ADK: variants seen among roughly 807,000 people sequenced by gnomAD.
The protein encoded by ADK is adenosine kinase.
A neutral mutation model predicts 44.7 loss-of-function variants in ADK; 24 were observed. That is an observed-to-expected ratio of 0.54 (90% CI 0.39 to 0.76). ADK has a LOEUF of 0.76. ADK is among the 30% of genes least tolerant of loss of function. The pLI, the probability that ADK is intolerant of heterozygous loss-of-function variation, is 0.00. For missense variants in ADK, 321 were observed against 425.1 expected (o/e 0.76, Z 2.15); for synonymous variants, 128 against 142.6 (o/e 0.90, Z 0.73).
intron 1 of ADK, among the ~76,000 whole-genome samples, chr10:74,180,584 T>G (rs867508336): frequency 1.3e-5 from 2 of 150,704 alleles, no homozygotes; most frequent in Non-Finnish European, 3.0e-5. Context: ...TCAGCCTCTC[T>G]AGTAGCTGGG....
At chr10:74,465,172 TG>T (rs1234441243) in intron 6 of ADK, among the ~76,000 whole-genome samples, 1 of 152,056 alleles carries the variant, frequency 6.6e-6, no homozygotes, top group Admixed American at 6.5e-5. Context: ...CCCAAGACAG[TG>T]ATGTTTAAAA....
intron 3 of ADK, among the ~76,000 whole-genome samples, chr10:74,301,053 T>C (rs964017702): frequency 1.3e-5 from 2 of 152,252 alleles, no homozygotes; most frequent in Non-Finnish European, 2.9e-5. Flanking sequence ...TAGAATTCTA[T>C]AAATGCTTTC....
At chr10:74,362,698 G>A (rs186624564) in intron 4 of ADK, among the ~76,000 whole-genome samples, 2 of 152,288 alleles carry the variant, frequency 1.3e-5, no homozygotes, top group African/African-American at 4.8e-5. Flanking sequence ...CCTTCTTCAA[G>A]AGGCCTTCCA....
At chr10:74,183,204 G>A (rs761347796) in intron 1 of ADK, among the ~76,000 whole-genome samples, 1 of 152,154 alleles carries the variant, frequency 6.6e-6, no homozygotes, top group Non-Finnish European at 1.5e-5. Context: ...CAAAGTGCTG[G>A]GCCTCCCAAA....
chr10:74,458,691 A>G (rs537234067), intron 6 of ADK, among the ~76,000 whole-genome samples: 1 of 152,120 alleles, frequency 6.6e-6, no homozygotes, highest in Non-Finnish European at 1.5e-5. Context: ...CACCGGTACT[A>G]TCAGCTTTCA....
chr10:74,567,327 C>T (rs1419391902), intron 7 of ADK, among the ~76,000 whole-genome samples: 1 of 152,190 alleles, frequency 6.6e-6, no homozygotes, highest in Non-Finnish European at 1.5e-5. Flanking sequence ...AACATTGAGT[C>T]TGCATACTGC....
intron 3 of ADK, among the ~76,000 whole-genome samples, chr10:74,243,239 C>G (rs1845292266): frequency 1.3e-5 from 2 of 152,194 alleles, no homozygotes; most frequent in African/African-American, 4.8e-5. Context: ...ATGGAGCTTT[C>G]TCTCGCTGGC....
chr10:74,413,057 C>CAA (rs748821548), intron 6 of ADK, among the ~76,000 whole-genome samples: 2 of 139,744 alleles, frequency 1.4e-5, no homozygotes, highest in Non-Finnish European at 3.1e-5. Flanking sequence ...AAACTGTCCC[C>CAA]AAAAAAAAAA....
At chr10:74,266,867 GTTTT>G (rs1411848221) in intron 3 of ADK, among the ~76,000 whole-genome samples, 2 of 152,162 alleles carry the variant, frequency 1.3e-5, no homozygotes, top group African/African-American at 2.4e-5. Context: ...GGAACTTGGT[GTTTT>G]AATAAGCTTT....
intron 7 of ADK, among the ~76,000 whole-genome samples, chr10:74,539,985 ATC>A (rs956817728): frequency 1.3e-5 from 2 of 152,210 alleles, no homozygotes; most frequent in Non-Finnish European, 2.9e-5. Flanking sequence ...TATGCTCTGC[ATC>A]TCTCTTCCTT....
At chr10:74,299,807 AACTTCATTTGCTGTATG>A (rs1839940300) in intron 3 of ADK, among the ~76,000 whole-genome samples, 1 of 151,840 alleles carries the variant, frequency 6.6e-6, no homozygotes. Flanking sequence ...ATCAACAGTG[AACTTCATTTGCTGTATG>A]AAGAGATAGT....
intron 3 of ADK, among the ~76,000 whole-genome samples, chr10:74,242,409 C>T (rs1157545539): frequency 6.6e-6 from 1 of 152,206 alleles, no homozygotes; most frequent in Non-Finnish European, 1.5e-5. Context: ...CAGTGCCTAG[C>T]ACGGGGTAAC....
At chr10:74,702,117 G>T (rs1313802434) in intron 10 of ADK, among the ~76,000 whole-genome samples, 1 of 151,972 alleles carries the variant, frequency 6.6e-6, no homozygotes, top group South Asian at 2.1e-4. Flanking sequence ...AGTTGCTTCA[G>T]TTAAAAATTA....
In ADK at chr10:74,341,883, A is replaced by T. The variant is rs946127123; in HGVS notation, c.273+27138A>T. On this transcript the variant is annotated intron_variant, in intron 4 of 10. Transcript: ENST00000539909. ...TAGTTATTGCTATGTGTGTATTTTC[A>T]AATTTTTAAAGACTTAGAGAATAGT... Among the ~76,000 whole-genome samples, 5 of 152,184 alleles carry T rather than the reference A, an allele frequency of 3.3e-5. No homozygotes were observed. The East Asian group carries it at 9.6e-4, about 29-fold the overall frequency.
rs1199020742 is a variant in ADK, at chr10:74,694,109, G to C, written c.965-14212G>C. 3.0e-5 allele frequency among the ~76,000 whole-genome samples: 4 copies of C among 134,788 alleles called. No individual in the cohort carries two copies. In the South Asian group the frequency reaches 7.6e-4, roughly 26 times the overall value. 88.4% of individuals were successfully genotyped at this position (134,788 alleles called of 152,430 possible). ...CATAAGAAAAACAAACAGGAAAAAA[G>C]TCATCCCAACTCTAGAAACTTAACT... is the stretch of plus-strand genomic sequence containing the variant. On this transcript the variant is annotated intron_variant, in intron 10 of 10. Transcript: ENST00000539909.
intron 6 of ADK, among the ~76,000 whole-genome samples, chr10:74,502,316 G>C (rs1847911147): frequency 6.6e-6 from 1 of 151,972 alleles, no homozygotes; most frequent in Admixed American, 6.6e-5. Context: ...AATACAAAAA[G>C]AAGCATAGCT....
At chr10:74,185,627 T>C (rs1842723586) in intron 1 of ADK, among the ~76,000 whole-genome samples, 1 of 148,712 alleles carries the variant, frequency 6.7e-6, no homozygotes, top group African/African-American at 2.5e-5. Flanking sequence ...GGTCAGGAGA[T>C]CGAGACTATC....
At chr10:74,210,311 G>A (rs913886787) in intron 2 of ADK, among the ~76,000 whole-genome samples, 2 of 132,990 alleles carry the variant, frequency 1.5e-5, no homozygotes, top group Admixed American at 7.9e-5. Context: ...CTGGGCGACA[G>A]AGTGAGACTC....
At chr10:74,268,672 A>G (rs1846307555) in intron 3 of ADK, among the ~76,000 whole-genome samples, 1 of 152,184 alleles carries the variant, frequency 6.6e-6, no homozygotes, top group Non-Finnish European at 1.5e-5. Context: ...TTAGCCTATA[A>G]TCTGTAAGTA....
Sources: gnomAD v4.1 joint callset for allele counts (sites outside exome capture counted in the v4.1 genomes callset) on GRCh38, gnomAD v4.1.1 for gene constraint, MANE v1.5 for transcripts, NCBI Gene and HGNC (gene_info 2026-07-23, HGNC 2026-07-21) for gene names.